The following DYRK1A variants were observed in gnomAD, a reference collection of about 807,000 sequenced individuals.
The protein encoded by DYRK1A is dual specificity tyrosine-phosphorylation-regulated kinase 1A.
A neutral mutation model predicts 79.7 loss-of-function variants in DYRK1A; 9 were observed. The ratio of observed to expected loss-of-function variants is 0.11; its 90% CI spans 0.07 to 0.20. The LOEUF is 0.20. Among genes scored for constraint, DYRK1A ranks in the 10% least tolerant of loss-of-function variants. The pLI, the probability that DYRK1A is intolerant of heterozygous loss-of-function variation, is 1.00. For missense variants in DYRK1A, 622 were observed against 956.0 expected, an observed-to-expected ratio of 0.65 and a Z score of 4.61; for synonymous variants, 349 against 329.7, an observed-to-expected ratio of 1.06 and a Z score of -0.63.
chr21:37,404,712 GAAA>G (rs2050117565), intron 1 of DYRK1A, among the ~76,000 whole-genome samples: 1 of 152,204 alleles, frequency 6.6e-6, no homozygotes, highest in Admixed American at 6.5e-5. Context: ...TTGATTGTCA[GAAA>G]ACAGTTGGCG....
chr21:37,415,075 ATTTCCCTCCTGT>A (rs2050311696), intron 1 of DYRK1A, among the ~76,000 whole-genome samples: 1 of 152,038 alleles, frequency 6.6e-6, no homozygotes, highest in Non-Finnish European at 1.5e-5. Flanking sequence ...CATATGAGGC[ATTTCCCTCCTGT>A]TTTCCTCTAT....
intron 2 of DYRK1A, among the ~76,000 whole-genome samples, chr21:37,430,583 C>T (rs558963106): frequency 6.2e-4 from 94 of 152,314 alleles, no homozygotes; most frequent in African/African-American, 2.0e-3. Context: ...GGACTGAGTG[C>T]AGACTTGGTG....
At chr21:37,482,935 CTT>C (rs2052707903) in intron 5 of DYRK1A, among the ~76,000 whole-genome samples, 1 of 152,208 alleles carries the variant, frequency 6.6e-6, no homozygotes, top group Admixed American at 6.5e-5. Context: ...GATTATCTCT[CTT>C]GTTCCCTGAA....
intron 5 of DYRK1A, 139 bp downstream of exon 5, chr21:37,480,965 G>A: frequency 1.5e-6 from 1 of 649,032 alleles, no homozygotes; most frequent in Non-Finnish European, 2.5e-6. Context: ...GTATTTGGAT[G>A]ACCATAATTC....
At chr21:37,467,627 A>G (rs1343316725) in intron 2 of DYRK1A, among the ~76,000 whole-genome samples, 1 of 152,254 alleles carries the variant, frequency 6.6e-6, no homozygotes, top group Non-Finnish European at 1.5e-5. Flanking sequence ...AGATACAGAA[A>G]GAGCATTTAA....
rs778908998 is a variant in DYRK1A, at chr21:37,523,931, G to C, written c.*11400G>C. The stretch of plus-strand genomic sequence containing the variant: ...TCATCATTTTGCCCTGCCGCTCTGT[G>C]CAATGTAAATTGCAGTGACACAGTT... On this transcript the variant is annotated 3_prime_UTR_variant, in exon 12 of 12. Coordinates refer to ENST00000647188, the MANE Select transcript of DYRK1A (RefSeq NM_001347721.2). 1 of 152,182 alleles carries C rather than the reference G, an allele frequency of 6.6e-6. No homozygotes were observed. The highest frequency in any genetic ancestry group is 2.4e-5 in the African/African-American group (1 of 41,438). The allele number at this position is 152,182 out of a possible 1,614,324, so 9.4% of individuals were successfully genotyped here.
intron 1 of DYRK1A, among the ~76,000 whole-genome samples, chr21:37,406,270 G>T (rs1209987637): frequency 3.3e-5 from 5 of 152,134 alleles, no homozygotes; most frequent in Non-Finnish European, 7.3e-5. Flanking sequence ...TTAACCAGAA[G>T]CATACATTCC....
chr21:37,400,472 A>G (rs1273659235), intron 1 of DYRK1A, among the ~76,000 whole-genome samples: 1 of 152,242 alleles, frequency 6.6e-6, no homozygotes, highest in African/African-American at 2.4e-5. Flanking sequence ...TAGATATATC[A>G]TAAGTATACT....
At chr21:37,378,045 A>G (rs898159656) in intron 1 of DYRK1A, among the ~76,000 whole-genome samples, 4 of 152,184 alleles carry the variant, frequency 2.6e-5, no homozygotes, top group African/African-American at 7.2e-5. Context: ...GAGAGTGTAT[A>G]GTTTCTCAAA....
At chr21:37,470,413 G>C (rs1273572043) in intron 2 of DYRK1A, among the ~76,000 whole-genome samples, 1 of 152,296 alleles carries the variant, frequency 6.6e-6, no homozygotes, top group African/African-American at 2.4e-5. Context: ...AATAAAAACA[G>C]AAGCTAACAT....
intron 11 of DYRK1A, among the ~76,000 whole-genome samples, chr21:37,506,532 G>A (rs1322520524): frequency 6.6e-6 from 1 of 152,078 alleles, no homozygotes; most frequent in Admixed American, 6.5e-5. Flanking sequence ...ATTTTACAGT[G>A]GAAACTGAGA....
At chr21:37,397,491 C>T (rs1367913619) in intron 1 of DYRK1A, among the ~76,000 whole-genome samples, 1 of 152,176 alleles carries the variant, frequency 6.6e-6, no homozygotes, top group Non-Finnish European at 1.5e-5. Context: ...GTTTGCTACA[C>T]TCTGGTTTCT....
At chr21:37,492,606 C>A (rs994059252) in intron 7 of DYRK1A, among the ~76,000 whole-genome samples, 1 of 152,080 alleles carries the variant, frequency 6.6e-6, no homozygotes, top group African/African-American at 2.4e-5. Flanking sequence ...CTGAGAAATA[C>A]ATTGTTTGGG....
At chr21:37,371,139 A>G (rs564641606) in intron 1 of DYRK1A, among the ~76,000 whole-genome samples, 1 of 152,364 alleles carries the variant, frequency 6.6e-6, no homozygotes, top group African/African-American at 2.4e-5. Context: ...CTCCCAAATG[A>G]AGAAAGCTTT....
chr21:37,366,318 G>A (rs954481782), upstream of DYRK1A: 2 of 144,914 alleles, frequency 1.4e-5, no homozygotes, highest in African/African-American at 5.0e-5. Flanking sequence ...CGGGGCTGCG[G>A]GCGCCGACGC....
intron 1 of DYRK1A, among the ~76,000 whole-genome samples, chr21:37,382,728 A>G (rs912232218): frequency 2.0e-5 from 3 of 152,220 alleles, no homozygotes; most frequent in Admixed American, 6.5e-5. Context: ...CCACTGGCCT[A>G]CTGAATGAAT....
chr21:37,512,574 AGTG>A lies in DYRK1A; in HGVS notation c.*47_*49del, dbSNP rs763625367. 20 of 1,584,642 alleles carry A rather than the reference AGTG, an allele frequency of 1.3e-5. No homozygotes were observed. In the South Asian group the frequency reaches 1.5e-4, roughly 12 times the overall value. ...TTTGTTTCTTGTGTGTTTTTATAGA[AGTG>A]GTGTTTTTTTTCCAAAAACAAAGTG... On this transcript the variant is annotated 3_prime_UTR_variant, in exon 12 of 12. Transcript: ENST00000647188.
chr21:37,403,206 T>C (rs963661207), intron 1 of DYRK1A, among the ~76,000 whole-genome samples: 4 of 152,100 alleles, frequency 2.6e-5, no homozygotes, highest in African/African-American at 9.7e-5. Context: ...TTCTTTTTGT[T>C]CTTTTTTTTA....
intron 2 of DYRK1A, among the ~76,000 whole-genome samples, chr21:37,429,230 A>T (rs1343107021): frequency 6.6e-6 from 1 of 152,216 alleles, no homozygotes; most frequent in Non-Finnish European, 1.5e-5. Context: ...ACCAAAGCTT[A>T]AAAACCATTG....
Sources: allele counts gnomAD v4.1 joint callset (sites outside exome capture counted in the v4.1 genomes callset), GRCh38; gene constraint gnomAD v4.1.1; transcripts MANE v1.5; gene names NCBI Gene and HGNC (gene_info 2026-07-23, HGNC 2026-07-21).